Variants in MDGA2 observed in about 807,000 individuals in gnomAD.
The protein encoded by MDGA2 is MAM domain-containing glycosylphosphatidylinositol anchor protein 2.
A neutral mutation model predicts 117.8 loss-of-function variants in MDGA2; 40 were observed. That is an observed-to-expected ratio of 0.34 (90% confidence interval 0.26 to 0.44). The LOEUF (loss-of-function observed/expected upper bound fraction) is 0.44, where lower values mean the gene tolerates loss of function less well. Ranked by LOEUF, MDGA2 falls within the 20% of genes least tolerant of loss-of-function variation. The pLI is 1.00. For synonymous variants in MDGA2, 452 were observed against 439.0 expected (o/e 1.03, Z -0.37); for missense variants, 1,123 against 1,250.6 (o/e 0.90, Z 1.54).
At chr14:47,252,832 A>G (rs1397190430) in intron 2 of MDGA2, among the ~76,000 whole-genome samples, 8 of 152,214 alleles carry the variant, frequency 5.3e-5, no homozygotes, top group Non-Finnish European at 1.2e-4. Context: ...ACTATAAAGA[A>G]TTACCTGAGA....
intron 6 of MDGA2, among the ~76,000 whole-genome samples, chr14:47,065,183 T>G (rs1269525495): frequency 6.6e-6 from 1 of 152,176 alleles, no homozygotes; most frequent in Admixed American, 6.6e-5. Context: ...TTGGAAACAT[T>G]GCAATGTAAC....
chr14:47,324,273 T>C (rs528347586), intron 1 of MDGA2, among the ~76,000 whole-genome samples: 3 of 152,046 alleles, frequency 2.0e-5, no homozygotes, highest in Non-Finnish European at 2.9e-5. Flanking sequence ...CTCTGAGTGA[T>C]GCAAAAGTAT....
At chr14:47,464,795 A>C (rs549533222) in intron 1 of MDGA2, among the ~76,000 whole-genome samples, 1 of 152,310 alleles carries the variant, frequency 6.6e-6, no homozygotes, top group South Asian at 2.1e-4. Context: ...TCAAAATACC[A>C]AAGACATTCT....
intron 1 of MDGA2, among the ~76,000 whole-genome samples, chr14:47,322,496 C>T (rs1194171569): frequency 2.0e-5 from 3 of 152,058 alleles, no homozygotes; most frequent in Admixed American, 6.6e-5. Context: ...GTTTTTTGAA[C>T]TCAAACAATC....
At chr14:46,860,639 A>C (rs1881470201) in intron 14 of MDGA2, among the ~76,000 whole-genome samples, 1 of 151,890 alleles carries the variant, frequency 6.6e-6, no homozygotes, top group Non-Finnish European at 1.5e-5. Flanking sequence ...ACTGACTTTA[A>C]TTTCCAAACC....
chr14:47,072,658 T>A (rs1297561913), intron 6 of MDGA2, among the ~76,000 whole-genome samples: 2 of 152,118 alleles, frequency 1.3e-5, no homozygotes, highest in Admixed American at 1.3e-4. Flanking sequence ...CCAGGCCCAA[T>A]CCTCAGGTTT....
At chr14:46,964,629 T>G (rs1885943055) in intron 8 of MDGA2, among the ~76,000 whole-genome samples, 1 of 152,184 alleles carries the variant, frequency 6.6e-6, no homozygotes, top group South Asian at 2.1e-4. Context: ...AGCATATTGT[T>G]GCAATTTAAT....
At chr14:47,181,107 T>C (rs899267384) in intron 3 of MDGA2, among the ~76,000 whole-genome samples, 16 of 152,162 alleles carry the variant, frequency 1.1e-4, no homozygotes, top group African/African-American at 3.9e-4. Context: ...AATTCCAGGA[T>C]ATATGTGCAG....
At chr14:47,376,562 T>C (rs577678234) in intron 1 of MDGA2, among the ~76,000 whole-genome samples, 32 of 482 alleles carry the variant, frequency 0.066, no homozygotes, top group African/African-American at 0.11. Context: ...TCTGTGCCTT[T>C]AGTTCTCACC....
Position 47,081,444 on chromosome 14 carries a change from C to T in MDGA2, c.1195+15410G>A, listed in dbSNP as rs547343626. On this transcript the variant is annotated intron_variant, in intron 6 of 16. Transcript: ENST00000399232. ...TTTTTGTAAAACAATATACTACCCA[C>T]TTATAATGCAACTTCTAAACATATA... Among the ~76,000 whole-genome samples, 7 of 152,248 alleles carry T rather than the reference C, an allele frequency of 4.6e-5. No homozygotes were observed. The East Asian group carries it at 1.4e-3, about 29-fold the overall frequency.
At chr14:47,481,665 G>A (rs1440583342) in intron 1 of MDGA2, among the ~76,000 whole-genome samples, 1 of 151,916 alleles carries the variant, frequency 6.6e-6, no homozygotes, top group Non-Finnish European at 1.5e-5. Context: ...TACGAGAAAT[G>A]ATGTTTTGCT....
At chr14:47,061,129 A>C in intron 7 of MDGA2, 120 bp downstream of exon 7, 7 of 812,552 alleles carry the variant, frequency 8.6e-6, no homozygotes, top group Non-Finnish European at 1.4e-5. Flanking sequence ...GAACATTATA[A>C]TTTTGTTTTT....
intron 3 of MDGA2, among the ~76,000 whole-genome samples, chr14:47,209,842 AAAC>A (rs1291853870): frequency 6.6e-6 from 1 of 152,180 alleles, no homozygotes; most frequent in African/African-American, 2.4e-5. Flanking sequence ...TTGCCACATC[AAAC>A]ATTATTAAGA....
intron 1 of MDGA2, among the ~76,000 whole-genome samples, chr14:47,306,842 GGAGAGAGAGA>G (rs10629208): frequency 6.8e-6 from 1 of 146,598 alleles, no homozygotes; most frequent in African/African-American, 2.6e-5. Flanking sequence ...AGAGAAAGAG[GGAGAGAGAGA>G]GAGAGAGAGA....
In MDGA2 at chr14:46,911,380, G is replaced by A. The variant is rs145617938; in HGVS notation, c.2238+8632C>T. On this transcript the variant is annotated intron_variant, in intron 10 of 16. Transcript: ENST00000399232. ...TGAGTAGTTGTACAGCAGTAGTTAC[G>A]TAGTTTTATTGACATCTGTCATGTC... Among the ~76,000 whole-genome samples the A allele has an allele frequency of 2.3e-3, 354 of 152,262 alleles. 1 individual carries two copies. Among genetic ancestry groups the A allele is most frequent in the African/African-American group, 7.9e-3 (327 of 41,570 alleles).
At chr14:47,338,468 G>C (rs1186760134) in intron 1 of MDGA2, among the ~76,000 whole-genome samples, 3 of 151,702 alleles carry the variant, frequency 2.0e-5, no homozygotes, top group Non-Finnish European at 2.9e-5. Context: ...TTATTTTTGA[G>C]AGACATGAAT....
intron 2 of MDGA2, among the ~76,000 whole-genome samples, chr14:47,226,313 C>T (rs538433489): frequency 1.2e-4 from 18 of 151,764 alleles, no homozygotes; most frequent in African/African-American, 4.1e-4. Flanking sequence ...ACTCACTATG[C>T]GGAAAACAGA....
chr14:46,935,899 T>C lies in MDGA2; in HGVS notation c.2090-15739A>G, dbSNP rs373207127. ...TACTTGACAGAACTGATTTATTCAT[T>C]AGGCACAGGAGTCACAGCACCTAGG... is the stretch of plus-strand genomic sequence containing the variant. On this transcript the variant is annotated intron_variant, in intron 9 of 16. Coordinates refer to ENST00000399232, the MANE Select transcript of MDGA2 (RefSeq NM_001113498.3). 5.3e-5 allele frequency among the ~76,000 whole-genome samples: 8 copies of C among 152,228 alleles called. No homozygotes were observed. The South Asian group carries it at 1.7e-3, about 32-fold the overall frequency.
chr14:47,408,650 C>T (rs1377240370), intron 1 of MDGA2, among the ~76,000 whole-genome samples: 2 of 152,222 alleles, frequency 1.3e-5, no homozygotes, highest in Admixed American at 6.5e-5. Context: ...GTCTATTCTT[C>T]TCCAAGCTGC....
Sources: gnomAD v4.1 joint callset for allele counts (sites outside exome capture counted in the v4.1 genomes callset) on GRCh38, gnomAD v4.1.1 for gene constraint, MANE v1.5 for transcripts, NCBI Gene and HGNC (gene_info 2026-07-23, HGNC 2026-07-21) for gene names.